P2RY2: variants seen among roughly 807,000 people sequenced by gnomAD.
P2RY2 encodes the protein P2Y purinoceptor 2.
For missense variants in P2RY2, 567 were observed against 515.7 expected (o/e 1.10, Z -0.96); for synonymous variants, 241 against 231.9 (o/e 1.04, Z -0.35).
At position 73,234,419 on chromosome 11, in the gene P2RY2, C is replaced by G. The variant is rs1276338491; in HGVS notation, c.260C>G (p.Pro87Arg). The stretch of plus-strand genomic sequence containing the variant: ...GATGCACTGTATGCGGCCTCCCTGC[C>G]GCTGCTGGTCTATTACTACGCCCGC... ...VSDALYAASL[P>R]LLVYYYARGD... Residue 87 changes from proline (P) to arginine (R), a missense_variant, in exon 3 of 3, where the codon CCG becomes CGG. Transcript: ENST00000393597. The G allele has an allele frequency of 1.2e-6, 2 of 1,614,216 alleles. No homozygotes were observed. The highest frequency in any genetic ancestry group is 1.1e-5 in the South Asian group (1 of 91,090).
Position 73,234,550 on chromosome 11 carries a change from C to A in P2RY2, c.391C>A (p.Arg131=). The change falls in exon 3 of 3, where the codon CGG becomes AGG. Residue 131 remains arginine, a synonymous_variant. Coordinates refer to ENST00000393597, the MANE Select transcript of P2RY2 (RefSeq NM_002564.4). ...ILFLTCISVH[R]CLGVLRPLRS... is the part of the protein sequence containing the mutation. ...CTTCCTCACCTGCATCAGCGTGCAC[C>A]GGTGTCTGGGCGTCTTACGACCTCT... The A allele has an allele frequency of 6.3e-7, 1 of 1,598,880 alleles. No homozygotes were observed. The highest frequency in any genetic ancestry group is 8.5e-7 in the Non-Finnish European group (1 of 1,171,572).
chr11:73,229,419 C>T (rs903554038), intron 2 of P2RY2, among the ~76,000 whole-genome samples: 10 of 151,984 alleles, frequency 6.6e-5, no homozygotes, highest in East Asian at 1.9e-4. Context: ...CAGGTGGAGC[C>T]GTCTCTAGTC....
In P2RY2 at chr11:73,234,231, G is replaced by A. The variant is rs1483120017; in HGVS notation, c.72G>A (p.Arg24=). The change falls in exon 3 of 3, where the codon AGG becomes AGA. Residue 24 remains arginine, a synonymous_variant. Transcript: ENST00000393597. The part of the protein sequence containing the change: ...GTWDGDELGY[R]CRFNEDFKYV... ...GGGATGGGGATGAGCTGGGCTACAG[G>A]TGCCGCTTCAACGAGGACTTCAAGT... 2 of 1,614,070 alleles carry A rather than the reference G, an allele frequency of 1.2e-6. No individual in the cohort carries two copies. Among genetic ancestry groups the A allele is most frequent in the African/African-American group, 2.7e-5 (2 of 74,930 alleles).
At chr11:73,230,668 G>A (rs1005639602) in intron 2 of P2RY2, among the ~76,000 whole-genome samples, 4 of 152,100 alleles carry the variant, frequency 2.6e-5, no homozygotes, top group Non-Finnish European at 5.9e-5. Flanking sequence ...AGGTGGAGAC[G>A]AGGGCTATGA....
Position 73,234,231 on chromosome 11 carries a change from G to T in P2RY2, c.72G>T (p.Arg24Ser), listed in dbSNP as rs1483120017. The change falls in exon 3 of 3, where the codon AGG (arginine) becomes AGT (serine). Residue 24 changes from arginine (R) to serine (S), a missense_variant. By Grantham distance (110) the Arg-to-Ser change is moderately radical (BLOSUM62 -1). Coordinates refer to ENST00000393597, the MANE Select transcript of P2RY2 (RefSeq NM_002564.4). ...GGGATGGGGATGAGCTGGGCTACAG[G>T]TGCCGCTTCAACGAGGACTTCAAGT... ...GTWDGDELGY[R>S]CRFNEDFKYV... The T allele has an allele frequency of 1.2e-6, 2 of 1,614,070 alleles. No homozygotes were observed. The highest frequency in any genetic ancestry group is 3.3e-5 in the Admixed American group (2 of 60,000).
rs752299195 is a variant in P2RY2, at chr11:73,235,218, G to C, written c.1059G>C (p.Leu353Phe). The change falls in exon 3 of 3, where the codon TTG (leucine) becomes TTC (phenylalanine). Residue 353 changes from leucine to phenylalanine, a missense_variant. Physicochemically the swap from Leu to Phe is conservative, Grantham distance 22 (BLOSUM62 0). Coordinates refer to ENST00000393597, the MANE Select transcript of P2RY2 (RefSeq NM_002564.4). ...ACATGCAGAGGATAGAAGATGTGTTGGGCAGCAGTGAGGACTCTAGGCGGA... is the reference window on the plus strand; with the variant it reads ...ACATGCAGAGGATAGAAGATGTGTTCGGCAGCAGTGAGGACTCTAGGCGGA... ...RTDMQRIEDV[L>F]GSSEDSRRTE... 6.2e-7 allele frequency: 1 copy of C among 1,611,158 alleles called. No individual in the cohort carries two copies. Among genetic ancestry groups the C allele is most frequent in the Non-Finnish European group, 8.5e-7 (1 of 1,178,656 alleles).
chr11:73,219,075 C>T (rs562227675), intron 1 of P2RY2, among the ~76,000 whole-genome samples: 66 of 152,346 alleles, frequency 4.3e-4, no homozygotes, highest in African/African-American at 1.5e-3. Context: ...GCCAGTGGCC[C>T]TCTTGGGGTC....
Position 73,234,425 on chromosome 11 carries a change from T to C in P2RY2, c.266T>C (p.Leu89Pro). ...DALYAASLPL[L>P]VYYYARGDHW... The stretch of plus-strand genomic sequence containing the variant: ...CTGTATGCGGCCTCCCTGCCGCTGC[T>C]GGTCTATTACTACGCCCGCGGCGAC... The change falls in exon 3 of 3, where the codon CTG (leucine) becomes CCG (proline). Residue 89 changes from leucine (L) to proline (P), a missense_variant. Physicochemically the swap from Leu to Pro is moderately conservative, Grantham distance 98. Transcript: ENST00000393597. The C allele has an allele frequency of 1.2e-6, 2 of 1,614,204 alleles. No homozygotes were observed. The highest frequency in any genetic ancestry group is 1.7e-6 in the Non-Finnish European group (2 of 1,180,024).
At position 73,234,280 on chromosome 11, in the gene P2RY2, G is replaced by C; in HGVS notation, c.121G>C (p.Gly41Arg). The C allele has an allele frequency of 1.2e-6, 2 of 1,614,182 alleles. No homozygotes were observed. The highest frequency in any genetic ancestry group is 1.7e-6 in the Non-Finnish European group (2 of 1,180,026). ...GTACGTGCTGCTGCCTGTGTCCTACGGCGTGGTGTGCGTGCCTGGGCTGTG... is the reference window on the plus strand; with the variant it reads ...GTACGTGCTGCTGCCTGTGTCCTACCGCGTGGTGTGCGTGCCTGGGCTGTG... ...FKYVLLPVSY[G>R]VVCVPGLCLN... is the part of the protein sequence containing the mutation. The change falls in exon 3 of 3, where the codon GGC becomes CGC. Residue 41 changes from glycine (G) to arginine (R), a missense_variant. Coordinates refer to ENST00000393597, the MANE Select transcript of P2RY2 (RefSeq NM_002564.4).
In P2RY2 at chr11:73,236,755, T is replaced by A. The variant is rs1862663437; in HGVS notation, c.*1462T>A. 1.0e-6 allele frequency: 1 copy of A among 985,178 alleles called. No homozygotes were observed. The highest frequency in any genetic ancestry group is 1.7e-5 in the African/African-American group (1 of 57,198). The allele number at this position is 985,178 out of a possible 1,614,324, so 61.0% of individuals were successfully genotyped here. A position where few individuals can be genotyped will look rare whatever the true frequency, so the allele number is the denominator to read the frequency against. On this transcript the variant is annotated 3_prime_UTR_variant, in exon 3 of 3. Transcript: ENST00000393597. ...GTCCATCGTCTGCCTTCTGGGAAAA[T>A]CCCAGAATGGCAGGGTGGTGCTCAG...
At chr11:73,223,463 C>CACATTAATGTG (rs61485417) in intron 1 of P2RY2, among the ~76,000 whole-genome samples, 43,587 of 151,942 alleles carry the variant, frequency 0.29, 6,640 homozygotes, top group South Asian at 0.52. Flanking sequence ...GACAGGCAGA[C>CACATTAATGTG]ACAGCCTCCA....
intron 1 of P2RY2, among the ~76,000 whole-genome samples, chr11:73,222,442 G>C (rs1280703543): frequency 2.0e-5 from 3 of 152,092 alleles, no homozygotes; most frequent in Non-Finnish European, 2.9e-5. Flanking sequence ...TCTTTGTAAA[G>C]GTTGACTCTG....
In P2RY2 at chr11:73,236,517, G is replaced by A; in HGVS notation, c.*1224G>A. 1.0e-6 allele frequency: 1 copy of A among 974,650 alleles called. No individual in the cohort carries two copies. The highest frequency in any genetic ancestry group is 5.3e-4 in the Middle Eastern group (1 of 1,888). The allele number at this position is 974,650 out of a possible 1,614,324, so 60.4% of individuals were successfully genotyped here. A position where few individuals can be genotyped will look rare whatever the true frequency, so the allele number is the denominator to read the frequency against. ...TTCTGAGAAAAGCAGCTCACCGGAA[G>A]AACATCCACACACAGGATGCATCCC... On this transcript the variant is annotated 3_prime_UTR_variant, in exon 3 of 3. Transcript: ENST00000393597.
chr11:73,236,554 T>G lies in P2RY2; in HGVS notation c.*1261T>G. On this transcript the variant is annotated 3_prime_UTR_variant, in exon 3 of 3. Coordinates refer to ENST00000393597, the MANE Select transcript of P2RY2 (RefSeq NM_002564.4). ...ACAGGATGCATCCCAGGCAAAGACATGGGGCAAGAGGGCAGGGTGTGCATG... is the reference window on the plus strand; with the variant it reads ...ACAGGATGCATCCCAGGCAAAGACAGGGGGCAAGAGGGCAGGGTGTGCATG... The G allele has an allele frequency of 2.0e-6, 2 of 985,112 alleles. No homozygotes were observed. The highest frequency in any genetic ancestry group is 2.4e-6 in the Non-Finnish European group (2 of 829,806). The allele number at this position is 985,112 out of a possible 1,614,324, so 61.0% of individuals were successfully genotyped here.
At chr11:73,230,992 C>T (rs1046951798) in intron 2 of P2RY2, among the ~76,000 whole-genome samples, 12 of 152,208 alleles carry the variant, frequency 7.9e-5, no homozygotes, top group African/African-American at 1.9e-4. Context: ...GAGCCTGGAA[C>T]GAAGTTGGCA....
At chr11:73,231,579 G>T (rs912309211) in intron 2 of P2RY2, among the ~76,000 whole-genome samples, 1 of 150,758 alleles carries the variant, frequency 6.6e-6, no homozygotes, top group Non-Finnish European at 1.5e-5. Context: ...AAAAAAGAAA[G>T]AAAAAAAGAA....
At chr11:73,226,431 C>T (rs892007020) in intron 1 of P2RY2, among the ~76,000 whole-genome samples, 15 of 152,104 alleles carry the variant, frequency 9.9e-5, no homozygotes, top group Non-Finnish European at 1.9e-4. Flanking sequence ...AGCCCACCGG[C>T]CTTGTCAATC....
intron 2 of P2RY2, among the ~76,000 whole-genome samples, chr11:73,232,068 T>A (rs1425204374): frequency 6.6e-6 from 1 of 151,882 alleles, no homozygotes; most frequent in East Asian, 1.9e-4. Context: ...AAATTAAAAA[T>A]AAACAAATAA....
intron 1 of P2RY2, among the ~76,000 whole-genome samples, chr11:73,222,526 G>C (rs1471748825): frequency 6.6e-6 from 1 of 152,122 alleles, no homozygotes; most frequent in African/African-American, 2.4e-5. Context: ...TTTTCAGCCT[G>C]GCATTTGAGC....
Sources: gnomAD v4.1 joint callset for allele counts (sites outside exome capture counted in the v4.1 genomes callset) on GRCh38, gnomAD v4.1.1 for gene constraint, MANE v1.5 for transcripts, NCBI Gene and HGNC (gene_info 2026-07-23, HGNC 2026-07-21) for gene names.